Variants in RC3H2 observed in about 807,000 individuals in gnomAD.
RC3H2 encodes roquin-2.
RC3H2 carries 31 observed loss-of-function variants against 133.3 expected under a neutral mutation model. The ratio of observed to expected loss-of-function variants is 0.23; its 90% CI spans 0.17 to 0.31. RC3H2 has a LOEUF of 0.31. Among genes scored for constraint, RC3H2 ranks in the 10% least tolerant of loss-of-function variants. RC3H2 has a pLI of 1.00. For missense variants in RC3H2, 1,175 were observed against 1,437.2 expected (o/e 0.82, Z 2.95); for synonymous variants, 517 against 502.2 (o/e 1.03, Z -0.40).
chr9:122,857,858 T>C, intron 13 of RC3H2, 65 bp downstream of exon 13: 1 of 1,393,640 alleles, frequency 7.2e-7, no homozygotes, highest in South Asian at 1.3e-5. Flanking sequence ...CTGGTTTGAA[T>C]GAGTAATTTG....
intron 5 of RC3H2, among the ~76,000 whole-genome samples, chr9:122,882,588 A>G (rs1249955529): frequency 6.6e-6 from 1 of 152,216 alleles, no homozygotes; most frequent in Non-Finnish European, 1.5e-5. Flanking sequence ...TCATAAAAAC[A>G]CTTTAAGGAT....
chr9:122,898,578 T>A (rs1416948246), intron 1 of RC3H2, among the ~76,000 whole-genome samples: 6 of 151,956 alleles, frequency 3.9e-5, no homozygotes, highest in Admixed American at 1.3e-4. Flanking sequence ...GGATAAACCC[T>A]GTCTCTACTA....
Position 122,890,518 on chromosome 9 carries a change from A to G in RC3H2, c.377T>C (p.Leu126Pro). The change falls in exon 4 of 21, where the codon CTG becomes CCG. Residue 126 changes from leucine to proline, a missense_variant. This residue lies in a region of RC3H2 where 121 missense variants were observed against 243.5 expected (regional missense o/e 0.50). Transcript: ENST00000357244. Reference protein sequence around the residue: ...KGVASLNQSALSRPMQRKLVT... With the variant: ...KGVASLNQSAPSRPMQRKLVT... Reference sequence around the variant, plus strand: ...CAGTTTCCTTTGCATTGGACGGCTCAGTGCACTCTGGTTCAAGCTAGCTAC... The same window carrying G: ...CAGTTTCCTTTGCATTGGACGGCTCGGTGCACTCTGGTTCAAGCTAGCTAC... 6.2e-7 allele frequency: 1 copy of G among 1,613,622 alleles called. No individual in the cohort carries two copies. The highest frequency in any genetic ancestry group is 8.5e-7 in the Non-Finnish European group (1 of 1,179,504).
chr9:122,899,090 GTTTTTTTTTT>G (rs1183512993), intron 1 of RC3H2, among the ~76,000 whole-genome samples: 2 of 88,410 alleles, frequency 2.3e-5, no homozygotes, highest in African/African-American at 9.6e-5. Flanking sequence ...CCTTTATTGT[GTTTTTTTTTT>G]TTTTTTTTTT....
At chr9:122,902,848 C>CAA (rs56346835) in intron 1 of RC3H2, among the ~76,000 whole-genome samples, 6 of 84,496 alleles carry the variant, frequency 7.1e-5, no homozygotes, top group East Asian at 2.5e-4. Flanking sequence ...GAGACTGTCT[C>CAA]AAAAAAAAAA....
chr9:122,896,459 C>T lies in RC3H2; in HGVS notation c.231+820G>A, dbSNP rs147465875. ...TGCTTATATAAAAATATTTCTTATC[C>T]ACCAATATCACTTATATACATAAAT... On this transcript the variant is annotated intron_variant, in intron 2 of 20. Transcript: ENST00000357244. Among the ~76,000 whole-genome samples the T allele has an allele frequency of 2.6e-5, 4 of 152,140 alleles. No homozygotes were observed. In the East Asian group the frequency reaches 7.7e-4, roughly 29 times the overall value.
chr9:122,849,865 T>C, intron 20 of RC3H2, 43 bp from the exon 21 acceptor site: 1 of 1,409,432 alleles, frequency 7.1e-7, no homozygotes, highest in African/African-American at 1.4e-5. Flanking sequence ...TAGCTTTAAG[T>C]GCAAACTGTT....
At chr9:122,885,116 T>A (rs1230389410) in intron 4 of RC3H2, among the ~76,000 whole-genome samples, 1 of 152,160 alleles carries the variant, frequency 6.6e-6, no homozygotes, top group Non-Finnish European at 1.5e-5. Context: ...CATTAATTTT[T>A]AAAAATTTAA....
intron 9 of RC3H2, among the ~76,000 whole-genome samples, chr9:122,870,170 T>A (rs1440238331): frequency 6.6e-6 from 1 of 151,044 alleles, no homozygotes; most frequent in Non-Finnish European, 1.5e-5. Flanking sequence ...AGGTCAGGAG[T>A]TCAAGACCAG....
intron 3 of RC3H2, among the ~76,000 whole-genome samples, chr9:122,891,873 T>G (rs573692137): frequency 6.6e-6 from 1 of 152,348 alleles, no homozygotes; most frequent in Non-Finnish European, 1.5e-5. Context: ...AGTTTTGTCA[T>G]AGACTTAAAA....
chr9:122,879,450 G>A (rs1831502914), intron 8 of RC3H2, among the ~76,000 whole-genome samples: 5 of 151,214 alleles, frequency 3.3e-5, no homozygotes, highest in Admixed American at 3.3e-4. Flanking sequence ...ATTCAATACA[G>A]AAAAAAAATG....
chr9:122,850,414 CTAT>C (rs963344937), intron 20 of RC3H2, among the ~76,000 whole-genome samples: 45 of 138,190 alleles, frequency 3.3e-4, no homozygotes, highest in African/African-American at 9.9e-4. Flanking sequence ...AGAAAATATA[CTAT>C]ATTATATGCT....
At chr9:122,868,126 C>A (rs949894021) in intron 9 of RC3H2, among the ~76,000 whole-genome samples, 1 of 145,702 alleles carries the variant, frequency 6.9e-6, no homozygotes, top group Non-Finnish European at 1.5e-5. Flanking sequence ...GTGGGGGTGT[C>A]AGCCCCCCGC....
chr9:122,891,433 TG>T (rs1252092525), intron 3 of RC3H2, among the ~76,000 whole-genome samples: 3 of 152,232 alleles, frequency 2.0e-5, no homozygotes, highest in Non-Finnish European at 4.4e-5. Flanking sequence ...TCACTACAAT[TG>T]ATCTGTTCAC....
chr9:122,899,215 G>A (rs750754380), intron 1 of RC3H2, among the ~76,000 whole-genome samples: 6 of 140,096 alleles, frequency 4.3e-5, no homozygotes, highest in Admixed American at 1.5e-4. Context: ...TGATTCTCCC[G>A]CCTTGGCCTC....
chr9:122,899,687 T>C (rs1027827658), intron 1 of RC3H2, among the ~76,000 whole-genome samples: 1 of 152,204 alleles, frequency 6.6e-6, no homozygotes, highest in African/African-American at 2.4e-5. Context: ...ACTGAACATT[T>C]TTAACATCCA....
rs1459996785 is a variant in RC3H2 at position 122,858,791 on chromosome 9, C to T, written c.2161G>A (p.Asp721Asn). ...IIRSNSLPPM[D>N]VMHSSVYQTS... ...TGATAGACAGATGAGTGCATCACATCCATTGGAGGTAAAGAATTGCTTCTA... is the reference window on the plus strand; with the variant it reads ...TGATAGACAGATGAGTGCATCACATTCATTGGAGGTAAAGAATTGCTTCTA... Residue 721 changes from aspartate (D) to asparagine (N), a missense_variant, in exon 12 of 21, where the codon GAT becomes AAT. Physicochemically the swap from Asp to Asn is conservative, Grantham distance 23. Around this residue, in one of 8 missense-constraint regions of RC3H2, gnomAD observed 490 missense variants for 492.8 expected, o/e 0.99. Transcript: ENST00000357244. The T allele has an allele frequency of 2.5e-6, 4 of 1,614,132 alleles. No homozygotes were observed. In the African/African-American group the frequency reaches 5.3e-5, roughly 22 times the overall value.
chr9:122,866,861 C>T (rs963217844), intron 9 of RC3H2, among the ~76,000 whole-genome samples: 9 of 151,738 alleles, frequency 5.9e-5, no homozygotes, highest in South Asian at 4.2e-4. Flanking sequence ...TCTGCCTGGC[C>T]GCCTATCGTC....
chr9:122,905,079 C>A (rs1240524502), intron 1 of RC3H2, 31 bp downstream of exon 1: 2 of 985,034 alleles, frequency 2.0e-6, no homozygotes, highest in Non-Finnish European at 2.4e-6. Context: ...GGGCTGGGGC[C>A]CGAGCCGCAT....
Sources: gnomAD v4.1 joint callset for allele counts (sites outside exome capture counted in the v4.1 genomes callset) on GRCh38, gnomAD v4.1.1 for gene constraint, gnomAD v4.1.1 regional missense constraint, MANE v1.5 for transcripts, NCBI Gene and HGNC (gene_info 2026-07-23, HGNC 2026-07-21) for gene names.